RPRD1A: variants seen among roughly 807,000 people sequenced by gnomAD.
RPRD1A encodes the protein regulation of nuclear pre-mRNA domain-containing protein 1A.
RPRD1A carries 9 observed loss-of-function variants against 37.8 expected under a neutral mutation model. The ratio of observed to expected loss-of-function variants is 0.24; its 90% CI spans 0.14 to 0.42. The LOEUF is 0.42. Among genes scored for constraint, RPRD1A ranks in the 10% least tolerant of loss-of-function variants. The pLI is 1.00. For missense variants in RPRD1A, 255 were observed against 371.0 expected (o/e 0.69, Z 2.57); for synonymous variants, 138 against 139.7 (o/e 0.99, Z 0.08).
intron 1 of RPRD1A, among the ~76,000 whole-genome samples, chr18:36,038,202 T>C (rs755411063): frequency 2.0e-5 from 3 of 152,200 alleles, no homozygotes; most frequent in Non-Finnish European, 2.9e-5. Context: ...GAGACCTTCA[T>C]GGCAGCCTCT....
intron 6 of RPRD1A, among the ~76,000 whole-genome samples, chr18:35,999,031 C>T (rs1308181659): frequency 2.0e-5 from 3 of 152,164 alleles, no homozygotes; most frequent in Non-Finnish European, 4.4e-5. Context: ...AGACCAAACA[C>T]TGCAATAGAA....
chr18:36,015,746 T>C lies in RPRD1A; in HGVS notation c.789+11154A>G, dbSNP rs1355075890. ...AAAGAGAATACTGTATGCTTTCCCT[T>C]ATATAAGGTATCCGGAATAGCCAAA... On this transcript the variant is annotated intron_variant, in intron 6 of 6. Transcript: ENST00000399022. 2.6e-5 allele frequency among the ~76,000 whole-genome samples: 4 copies of C among 152,190 alleles called. No homozygotes were observed. In the East Asian group the frequency reaches 7.7e-4, roughly 29 times the overall value.
chr18:36,033,290 A>T (rs1911934349), intron 2 of RPRD1A, among the ~76,000 whole-genome samples: 1 of 112,858 alleles, frequency 8.9e-6, no homozygotes, highest in African/African-American at 3.6e-5. Flanking sequence ...TGAGAGTGAG[A>T]CTCTGTCTCA....
chr18:36,024,313 ATTTTTTTTTTT>A (rs781696260), intron 6 of RPRD1A, among the ~76,000 whole-genome samples: 1 of 126,568 alleles, frequency 7.9e-6, no homozygotes, highest in Non-Finnish European at 1.7e-5. Flanking sequence ...CACCTGGTTA[ATTTTTTTTTTT>A]TTTTTTTTTT....
intron 6 of RPRD1A, chr18:36,025,750 C>T: frequency 1.4e-6 from 1 of 703,964 alleles, no homozygotes; most frequent in Non-Finnish European, 2.1e-6. Context: ...TATGACATTA[C>T]TTACCCTTAA....
intron 6 of RPRD1A, among the ~76,000 whole-genome samples, chr18:36,006,947 TG>T (rs1909783894): frequency 6.6e-6 from 1 of 152,202 alleles, no homozygotes; most frequent in South Asian, 2.1e-4. Context: ...TGCTTCTGGA[TG>T]GGGACACAAC....
intron 4 of RPRD1A, among the ~76,000 whole-genome samples, chr18:36,030,008 A>T (rs1474087986): frequency 2.0e-5 from 3 of 151,050 alleles, no homozygotes; most frequent in South Asian, 2.1e-4. Flanking sequence ...GGGTTTCACC[A>T]TATTAGCCAG....
rs138029311 is a variant in RPRD1A at position 36,067,347 on chromosome 18, G to A, written c.58C>T (p.Gln20Ter). Residue 20 changes from glutamine (Q) to a stop codon, truncating the protein, a stop_gained, in exon 1 of 7, where the codon CAG becomes TAG. Coordinates refer to ENST00000399022, the MANE Select transcript of RPRD1A (RefSeq NM_018170.5). LOFTEE classifies it high-confidence loss of function. ...EKKLSELSNS[Q>*]QSVQTLSLWL... ...AGGGACAAGGTCTGCACGCTCTGCT[G>A]CGAGTTGCTCAACTCCGACAGCTTC... 6.2e-7 allele frequency: 1 copy of A among 1,608,152 alleles called. No individual in the cohort carries two copies. The highest frequency in any genetic ancestry group is 1.3e-5 in the African/African-American group (1 of 74,792).
intron 6 of RPRD1A, among the ~76,000 whole-genome samples, chr18:36,015,131 T>TACACACAC (rs201284977): frequency 0.013 from 1,592 of 122,938 alleles, 27 homozygotes; most frequent in African/African-American, 0.032. Context: ...GGGTCTCACA[T>TACACACAC]ACACACACAC....
At chr18:36,041,163 A>T (rs533345852) in intron 1 of RPRD1A, among the ~76,000 whole-genome samples, 1 of 152,322 alleles carries the variant, frequency 6.6e-6, no homozygotes, top group African/African-American at 2.4e-5. Context: ...CTCAATTATC[A>T]CCTACACGGG....
rs75215825 is a variant in RPRD1A, at chr18:35,999,907, G to A, written c.790-6607C>T. 9.8e-3 allele frequency among the ~76,000 whole-genome samples: 1,488 copies of A among 152,200 alleles called. 25 individuals are homozygous for A. Among genetic ancestry groups the A allele is most frequent in the African/African-American group, 0.034 (1,414 of 41,534 alleles). On this transcript the variant is annotated intron_variant, in intron 6 of 6. Coordinates refer to ENST00000399022, the MANE Select transcript of RPRD1A (RefSeq NM_018170.5). ...ATTTCTTAAGCCACTGCCTTCAATA[G>A]AACTATTAAGAAGCTTCAGTTCTCA...
chr18:35,996,995 AAAAAAAAAG>A (rs1156743989), intron 6 of RPRD1A, among the ~76,000 whole-genome samples: 2 of 143,486 alleles, frequency 1.4e-5, no homozygotes, highest in East Asian at 4.3e-4. Flanking sequence ...AAAAAAAAAA[AAAAAAAAAG>A]AACTATCTGT....
chr18:36,017,450 A>G (rs1350430923), intron 6 of RPRD1A, among the ~76,000 whole-genome samples: 1 of 152,152 alleles, frequency 6.6e-6, no homozygotes, highest in Non-Finnish European at 1.5e-5. Flanking sequence ...CCATTTTCAG[A>G]CACTGCCAAC....
intron 6 of RPRD1A, among the ~76,000 whole-genome samples, chr18:36,000,562 AAATT>A (rs1909354583): frequency 6.6e-6 from 1 of 152,220 alleles, no homozygotes; most frequent in Non-Finnish European, 1.5e-5. Flanking sequence ...CGGTAATGTT[AAATT>A]ATTAGGGTAG....
At chr18:36,014,473 T>A (rs913693286) in intron 6 of RPRD1A, among the ~76,000 whole-genome samples, 1 of 152,252 alleles carries the variant, frequency 6.6e-6, no homozygotes, top group Non-Finnish European at 1.5e-5. Context: ...GCGCCATGGC[T>A]CACGCCTGTA....
intron 1 of RPRD1A, among the ~76,000 whole-genome samples, chr18:36,060,425 C>T (rs1408413750): frequency 1.3e-5 from 2 of 151,962 alleles, no homozygotes; most frequent in East Asian, 1.9e-4. Flanking sequence ...CAAAGCGAGA[C>T]TCTGTCTCAA....
intron 6 of RPRD1A, among the ~76,000 whole-genome samples, chr18:36,023,849 T>C (rs1016715570): frequency 6.6e-6 from 1 of 152,210 alleles, no homozygotes; most frequent in Non-Finnish European, 1.5e-5. Flanking sequence ...ATTTTTTATA[T>C]GTAATTTTAT....
intron 1 of RPRD1A, among the ~76,000 whole-genome samples, chr18:36,059,712 A>G (rs2088867800): frequency 6.6e-6 from 1 of 152,218 alleles, no homozygotes; most frequent in Non-Finnish European, 1.5e-5. Flanking sequence ...AAAATAAAAG[A>G]CAGATGGCAC....
Position 36,067,457 on chromosome 18 carries a change from A to T in RPRD1A, c.-53T>A. 1 of 1,554,346 alleles carries T rather than the reference A, an allele frequency of 6.4e-7. No homozygotes were observed. The highest frequency in any genetic ancestry group is 8.7e-7 in the Non-Finnish European group (1 of 1,145,640). On this transcript the variant is annotated 5_prime_UTR_variant, in exon 1 of 7. Coordinates refer to ENST00000399022, the MANE Select transcript of RPRD1A (RefSeq NM_018170.5). Reference sequence around the variant, plus strand: ...CACGCGGTGGGGCCGAGGGGAGGAGAGTTTCGCCGCCCTAGCTGCGGCCTC... The same window carrying T: ...CACGCGGTGGGGCCGAGGGGAGGAGTGTTTCGCCGCCCTAGCTGCGGCCTC...
Sources: gnomAD v4.1 joint callset for allele counts (sites outside exome capture counted in the v4.1 genomes callset) on GRCh38, gnomAD v4.1.1 for gene constraint, MANE v1.5 for transcripts, NCBI Gene and HGNC (gene_info 2026-07-23, HGNC 2026-07-21) for gene names.